The following ZCCHC14 variants were observed in gnomAD, a reference collection of about 807,000 sequenced individuals.
ZCCHC14 encodes the protein zinc finger CCHC domain-containing protein 14.
A neutral mutation model predicts 85.0 loss-of-function variants in ZCCHC14; 16 were observed. That is an observed-to-expected ratio of 0.19 (90% CI 0.13 to 0.29). ZCCHC14 has a LOEUF of 0.29. Among genes scored for constraint, ZCCHC14 ranks in the 10% least tolerant of loss-of-function variants. The probability of loss-of-function intolerance (pLI) is 1.00; values close to 1 mark genes in which losing one functional copy is unlikely to be tolerated. For missense variants in ZCCHC14, 1,303 were observed against 1,443.5 expected, an observed-to-expected ratio of 0.90 and a Z score of 1.58; for synonymous variants, 775 against 630.7, an observed-to-expected ratio of 1.23 and a Z score of -3.43.
intron 10 of ZCCHC14, among the ~76,000 whole-genome samples, chr16:87,414,160 G>A (rs1295046432): frequency 4.0e-5 from 6 of 150,328 alleles, no homozygotes; most frequent in Non-Finnish European, 8.8e-5. Context: ...CGGCACACGG[G>A]CCCTCTCTGT....
At position 87,465,979 on chromosome 16, in the gene ZCCHC14, G is replaced by A. The variant is rs527944664; in HGVS notation, c.571-5848C>T. Among the ~76,000 whole-genome samples the A allele has an allele frequency of 4.6e-5, 7 of 152,194 alleles. No individual in the cohort carries two copies. In the South Asian group the frequency reaches 1.5e-3, roughly 32 times the overall value. Reference sequence around the variant, plus strand: ...TCCGCAACGTCCCTTTAGATGGGATGGAAAAGGGAATCCCCGCACTGCGCA... The same window carrying A: ...TCCGCAACGTCCCTTTAGATGGGATAGAAAAGGGAATCCCCGCACTGCGCA... On this transcript the variant is annotated intron_variant, in intron 1 of 12. Transcript: ENST00000671377.
At chr16:87,468,711 A>C (rs1323568842) in intron 1 of ZCCHC14, among the ~76,000 whole-genome samples, 1 of 152,228 alleles carries the variant, frequency 6.6e-6, no homozygotes, top group Non-Finnish European at 1.5e-5. Context: ...ACATCTGGCC[A>C]CAGCTGAAAA....
intron 3 of ZCCHC14, among the ~76,000 whole-genome samples, chr16:87,431,459 C>G (rs1192193614): frequency 8.2e-6 from 1 of 121,642 alleles, no homozygotes; most frequent in Non-Finnish European, 1.6e-5. Flanking sequence ...GGCGACAGAG[C>G]AAGGCTCTGT....
chr16:87,434,323 G>A (rs1466315575), intron 2 of ZCCHC14, among the ~76,000 whole-genome samples: 1 of 152,174 alleles, frequency 6.6e-6, no homozygotes, highest in Non-Finnish European at 1.5e-5. Flanking sequence ...CTGATCCAGC[G>A]CTGAAGTTTC....
At chr16:87,450,661 G>A (rs117268138) in intron 2 of ZCCHC14, among the ~76,000 whole-genome samples, 1,699 of 147,602 alleles carry the variant, frequency 0.012, 19 homozygotes, top group Non-Finnish European at 0.018. Flanking sequence ...ACCTCCACCT[G>A]CCAGGTTCAA....
rs1265826693 is a variant in ZCCHC14 at position 87,467,333 on chromosome 16, A to G, written c.571-7202T>C. 2.5e-6 allele frequency: 4 copies of G among 1,592,058 alleles called. No individual in the cohort carries two copies. In the African/African-American group the frequency reaches 5.4e-5, roughly 22 times the overall value. ...TAACACTGCCCCAAGCGAAAACAGA[A>G]AAAGATTTCATCCAACTCTGCACCC... On this transcript the variant is annotated intron_variant, in intron 1 of 12. Transcript: ENST00000671377.
intron 2 of ZCCHC14, among the ~76,000 whole-genome samples, chr16:87,433,856 T>C (rs141089170): frequency 0.021 from 3,151 of 151,676 alleles, 31 homozygotes; most frequent in Middle Eastern, 0.049. Flanking sequence ...GTTGGCCAAG[T>C]TGGTCTCAAA....
In ZCCHC14 at chr16:87,412,746, C is replaced by A; in HGVS notation, c.1975G>T (p.Asp659Tyr). Residue 659 changes from aspartate (D) to tyrosine (Y), a missense_variant, in exon 12 of 13, where the codon GAC becomes TAC. Asp to Tyr is a radical substitution (Grantham distance 160, BLOSUM62 -3). Transcript: ENST00000671377. ...SVHKPERGSA[D>Y]MKLLSSSVHS... The stretch of plus-strand genomic sequence containing the variant: ...ACAGAAGACGAGAGGAGCTTCATGT[C>A]CGCGCTCCCTCTTTCCGGCTTGTGC... 6.2e-7 allele frequency: 1 copy of A among 1,614,220 alleles called. No homozygotes were observed.
At chr16:87,463,697 C>A (rs1243681619) in intron 1 of ZCCHC14, among the ~76,000 whole-genome samples, 1 of 152,150 alleles carries the variant, frequency 6.6e-6, no homozygotes, top group Non-Finnish European at 1.5e-5. Flanking sequence ...GTGGCGGGCA[C>A]CTGTAATCCC....
intron 6 of ZCCHC14, among the ~76,000 whole-genome samples, chr16:87,419,425 C>G (rs964469496): frequency 1.3e-5 from 2 of 152,262 alleles, no homozygotes; most frequent in African/African-American, 4.8e-5. Flanking sequence ...CTCAGCCTCC[C>G]AAGTAGCGGG....
chr16:87,445,057 T>A (rs1031970177), intron 2 of ZCCHC14, among the ~76,000 whole-genome samples: 18 of 139,834 alleles, frequency 1.3e-4, no homozygotes, highest in Admixed American at 7.8e-4. Flanking sequence ...GTGATTTTGT[T>A]TTTCAAAATA....
rs182755737 is a variant in ZCCHC14, at chr16:87,434,910, G to C, written c.695-1709C>G. Among the ~76,000 whole-genome samples the C allele has an allele frequency of 1.5e-3, 225 of 148,410 alleles. 1 individual carries two copies. Among genetic ancestry groups the C allele is most frequent in the South Asian group, 6.8e-3 (32 of 4,712 alleles). ...GGAGGCTGAGGCAGGAGAATTGCTTGAACCTGGGAGGCGGAGGTTGCAGTG... is the reference window on the plus strand; with the variant it reads ...GGAGGCTGAGGCAGGAGAATTGCTTCAACCTGGGAGGCGGAGGTTGCAGTG... On this transcript the variant is annotated intron_variant, in intron 2 of 12. Coordinates refer to ENST00000671377, the MANE Select transcript of ZCCHC14 (RefSeq NM_015144.3).
chr16:87,413,307 G>T, intron 10 of ZCCHC14, 112 bp from the exon 11 acceptor site: 1 of 1,397,962 alleles, frequency 7.2e-7, no homozygotes, highest in Non-Finnish European at 9.4e-7. Flanking sequence ...GAAACGCAGG[G>T]CTCTGAGAGT....
intron 2 of ZCCHC14, among the ~76,000 whole-genome samples, chr16:87,442,090 G>A (rs775376848): frequency 6.6e-6 from 1 of 152,256 alleles, no homozygotes; most frequent in Non-Finnish European, 1.5e-5. Flanking sequence ...ATAGCAGAGA[G>A]GGAAGATTTC....
rs1487522814 is a variant in ZCCHC14, at chr16:87,423,933, T to A, written c.769-52A>T. On this transcript the variant is annotated intron_variant, in intron 3 of 12. Coordinates refer to ENST00000671377, the MANE Select transcript of ZCCHC14 (RefSeq NM_015144.3). ...TTAGAAACAGACACCACATACTTGGTTCCCAGCACGTGTCCTGGTACGACT... is the reference window on the plus strand; with the variant it reads ...TTAGAAACAGACACCACATACTTGGATCCCAGCACGTGTCCTGGTACGACT... The A allele has an allele frequency of 2.5e-6, 4 of 1,595,016 alleles. No individual in the cohort carries two copies. The Admixed American group carries it at 5.1e-5, about 21-fold the overall frequency.
intron 1 of ZCCHC14, among the ~76,000 whole-genome samples, chr16:87,487,079 G>C (rs1912543409): frequency 6.6e-6 from 1 of 152,192 alleles, no homozygotes; most frequent in Non-Finnish European, 1.5e-5. Context: ...CTTACGAAAA[G>C]CAACGAAGCA....
chr16:87,453,008 G>A (rs570894278), intron 2 of ZCCHC14, among the ~76,000 whole-genome samples: 5 of 152,360 alleles, frequency 3.3e-5, no homozygotes, highest in Non-Finnish European at 7.4e-5. Context: ...GGGACGCCAA[G>A]CACCCGTCTC....
Position 87,428,701 on chromosome 16 carries a change from C to G in ZCCHC14, c.768+4427G>C, listed in dbSNP as rs35993227. On this transcript the variant is annotated intron_variant, in intron 3 of 12. Transcript: ENST00000671377. ...CCTGAGGTGTCCTCCAGCCCCTCCC[C>G]AGGAAACCACTGACTGCTTTCTGTT... Among the ~76,000 whole-genome samples, 115 of 152,364 alleles carry G rather than the reference C, an allele frequency of 7.5e-4. 1 individual carries two copies. Among genetic ancestry groups the G allele is most frequent in the Non-Finnish European group, 7.2e-4 (49 of 68,034 alleles).
At chr16:87,468,677 T>TG (rs1286076566) in intron 1 of ZCCHC14, among the ~76,000 whole-genome samples, 1 of 152,186 alleles carries the variant, frequency 6.6e-6, no homozygotes, top group Non-Finnish European at 1.5e-5. Context: ...GGTTCTCAAC[T>TG]GGGGGAAATT....
Sources: allele counts gnomAD v4.1 joint callset (sites outside exome capture counted in the v4.1 genomes callset), GRCh38; gene constraint gnomAD v4.1.1; transcripts MANE v1.5; gene names NCBI Gene and HGNC (gene_info 2026-07-23, HGNC 2026-07-21).